MGAM: variants seen among roughly 807,000 people sequenced by gnomAD.
The protein encoded by MGAM is alpha-1,4-glucosidase.
In MGAM, 253 loss-of-function variants were observed where a neutral mutation model predicts 358.8. The observed-to-expected ratio is 0.71, with a 90% CI of 0.64 to 0.78. The LOEUF (loss-of-function observed/expected upper bound fraction) is 0.78, where lower values mean the gene tolerates loss of function less well. Among genes scored for constraint, MGAM ranks in the 30% least tolerant of loss-of-function variants. MGAM has a pLI of 0.00. For synonymous variants in MGAM, 1,105 were observed against 1,227.1 expected, an observed-to-expected ratio of 0.90 and a Z score of 2.08; for missense variants, 3,080 against 3,432.6, an observed-to-expected ratio of 0.90 and a Z score of 2.57.
At chr7:142,028,905 G>A (rs1807207380) in intron 10 of MGAM, among the ~76,000 whole-genome samples, 1 of 150,896 alleles carries the variant, frequency 6.6e-6, no homozygotes, top group Non-Finnish European at 1.5e-5. Flanking sequence ...TGGGTTGGGG[G>A]AGGGATAACA....
intron 27 of MGAM, 43 bp from the exon 28 acceptor site, chr7:142,055,515 A>G: frequency 2.5e-6 from 4 of 1,612,214 alleles, no homozygotes; most frequent in Non-Finnish European, 3.4e-6. Flanking sequence ...AAACAGAGAT[A>G]AAAGCTCATT....
At chr7:142,076,434 T>C in intron 46 of MGAM, 182 bp downstream of exon 46, 1 of 859,514 alleles carries the variant, frequency 1.2e-6, no homozygotes, top group Non-Finnish European at 1.9e-6. Context: ...TAGCAAGTAG[T>C]GTTTCTAAAT....
At position 142,052,166 on chromosome 7, in the gene MGAM, C is replaced by G. The variant is rs1585014926; in HGVS notation, c.2806-128C>G. ...CAGTTCTCTTCTTATAAGCTAAAGT[C>G]ATATGTTGCTTGGATGTTTGAAAGT... On this transcript the variant is annotated intron_variant, in intron 24 of 70. Transcript: ENST00000475668. The G allele has an allele frequency of 7.6e-6, 6 of 785,248 alleles. No individual in the cohort carries two copies. The Admixed American group carries it at 1.5e-4, about 19-fold the overall frequency. 48.6% of individuals were successfully genotyped at this position (785,248 alleles called of 1,614,324 possible). A position where few individuals can be genotyped will look rare whatever the true frequency, so the allele number is the denominator to read the frequency against.
chr7:142,042,027 TATATTATATACATATAATATATA>T (rs1808812364), intron 21 of MGAM, among the ~76,000 whole-genome samples: 1 of 23,362 alleles, frequency 4.3e-5, no homozygotes, highest in African/African-American at 3.1e-4. Flanking sequence ...ATATATATAT[TATATTATATACATATAATATATA>T]ATATATATAC....
At chr7:142,072,087 G>T (rs1422935637) in intron 44 of MGAM, among the ~76,000 whole-genome samples, 1 of 146,032 alleles carries the variant, frequency 6.8e-6, no homozygotes, top group African/African-American at 2.4e-5. Flanking sequence ...CCTTCAAGCT[G>T]TTCTGTACAG....
At chr7:141,989,362 G>A (rs1373234778) in intron 2 of MGAM, among the ~76,000 whole-genome samples, 2 of 152,082 alleles carry the variant, frequency 1.3e-5, no homozygotes, top group Non-Finnish European at 2.9e-5. Context: ...ACTGACATTG[G>A]ATGTCAGGTA....
intron 27 of MGAM, 126 bp downstream of exon 27, chr7:142,055,034 G>A (rs1811361478): frequency 9.2e-7 from 1 of 1,087,942 alleles, no homozygotes; most frequent in African/African-American, 1.6e-5. Flanking sequence ...TGGATGAGTT[G>A]TTTCCTTCAG....
In MGAM at chr7:142,008,526, G is replaced by A. The variant is rs782372470; in HGVS notation, c.148G>A (p.Gly50Ser). Residue 50 changes from glycine (G) to serine (S), a missense_variant, in exon 3 of 71, where the codon GGT becomes AGT. This residue lies in a region of MGAM where 1,816 missense variants were observed against 1,840.5 expected (regional missense o/e 0.99). Coordinates refer to ENST00000475668, the MANE Select transcript of MGAM (RefSeq NM_001365693.1). Reference sequence around the variant, plus strand: ...TATAGCCCCAGATCCTGGGACAACTGGTACCCCAGATCCTGGGACAACTGG... The same window carrying A: ...TATAGCCCCAGATCCTGGGACAACTAGTACCCCAGATCCTGGGACAACTGG... ...KSTAPDPGTT[G>S]TPDPGTTGTP... The A allele has an allele frequency of 1.2e-6, 2 of 1,610,788 alleles. No homozygotes were observed. The highest frequency in any genetic ancestry group is 1.7e-6 in the Non-Finnish European group (2 of 1,178,424).
At chr7:142,066,487 T>G in intron 40 of MGAM, 86 bp from the exon 41 acceptor site, 1 of 1,411,962 alleles carries the variant, frequency 7.1e-7, no homozygotes, top group Non-Finnish European at 9.8e-7. Flanking sequence ...TGAGTGATCT[T>G]CAATTGGAGT....
intron 34 of MGAM, among the ~76,000 whole-genome samples, chr7:142,060,857 T>C (rs1445226172): frequency 1.3e-5 from 2 of 152,114 alleles, no homozygotes; most frequent in East Asian, 1.9e-4. Flanking sequence ...TCCATCTTCA[T>C]ACTTACGAGT....
chr7:142,078,225 GT>G, intron 47 of MGAM, 92 bp from the exon 48 acceptor site: 1 of 1,068,904 alleles, frequency 9.4e-7, no homozygotes, highest in Non-Finnish European at 1.3e-6. Context: ...ATGTCTATTT[GT>G]TTTTCCAAAA....
intron 18 of MGAM, 68 bp from the exon 19 acceptor site, chr7:142,038,463 G>C (rs886409187): frequency 3.4e-5 from 41 of 1,218,506 alleles, no homozygotes; most frequent in Non-Finnish European, 4.0e-5. Flanking sequence ...GGTTGTGTGT[G>C]AGTAGAGCTG....
intron 22 of MGAM, among the ~76,000 whole-genome samples, chr7:142,048,608 T>TA (rs1364012888): frequency 6.6e-6 from 1 of 151,528 alleles, no homozygotes; most frequent in African/African-American, 2.4e-5. Context: ...ATATACTTTT[T>TA]AGCATATTTG....
rs1204324818 is a variant in MGAM, at chr7:142,106,339, G to A, written c.*448G>A. The A allele has an allele frequency of 6.5e-6, 1 of 153,936 alleles. No homozygotes were observed. The highest frequency in any genetic ancestry group is 1.4e-5 in the Non-Finnish European group (1 of 69,132). The allele number at this position is 153,936 out of a possible 1,614,324, so 9.5% of individuals were successfully genotyped here. A position where few individuals can be genotyped will look rare whatever the true frequency, so the allele number is the denominator to read the frequency against. ...AAGAACATCTGCTAGTTGGTTATAG[G>A]CGGTGGGAGGAATAATATACCTAAT... is the stretch of plus-strand genomic sequence containing the variant. On this transcript the variant is annotated 3_prime_UTR_variant, in exon 71 of 71. Coordinates refer to ENST00000475668, the MANE Select transcript of MGAM (RefSeq NM_001365693.1).
intron 57 of MGAM, among the ~76,000 whole-genome samples, chr7:142,088,786 T>A (rs1032973883): frequency 1.2e-4 from 16 of 128,238 alleles, no homozygotes; most frequent in East Asian, 1.1e-3. Flanking sequence ...TCTATCTATC[T>A]ATCTATCTAT....
intron 21 of MGAM, among the ~76,000 whole-genome samples, chr7:142,045,253 TA>T (rs1810012462): frequency 1.2e-5 from 1 of 81,888 alleles, no homozygotes; most frequent in African/African-American, 4.8e-5. Context: ...TAATATATGA[TA>T]TATAATATAT....
intron 2 of MGAM, among the ~76,000 whole-genome samples, chr7:141,986,730 G>A (rs559811953): frequency 5.0e-4 from 76 of 152,270 alleles, no homozygotes; most frequent in African/African-American, 1.7e-3. Context: ...CACAATTTTA[G>A]CAATTCAAAA....
At chr7:142,028,943 C>T (rs1807210765) in intron 10 of MGAM, among the ~76,000 whole-genome samples, 1 of 152,040 alleles carries the variant, frequency 6.6e-6, no homozygotes, top group Non-Finnish European at 1.5e-5. Context: ...AGGACTGAGC[C>T]AAAGGACAAT....
At position 142,060,364 on chromosome 7, in the gene MGAM, C is replaced by A. The variant is rs193144181; in HGVS notation, c.4113C>A (p.Ser1371Arg). 2 of 1,614,004 alleles carry A rather than the reference C, an allele frequency of 1.2e-6. No homozygotes were observed. The highest frequency in any genetic ancestry group is 1.7e-6 in the Non-Finnish European group (2 of 1,179,852). Residue 1371 changes from serine to arginine, a missense_variant, in exon 34 of 71, where the codon AGC (serine) becomes AGA (arginine). Around this residue, in one of 5 missense-constraint regions of MGAM, gnomAD observed 1,816 missense variants for 1,840.5 expected, o/e 0.99. Coordinates refer to ENST00000475668, the MANE Select transcript of MGAM (RefSeq NM_001365693.1). ...VVVNGSLDWD[S>R]QVELYRAYVA... ...TGAATGGGTCTCTAGACTGGGACAG[C>A]CAAGTGGAGGTAAAAGGGTGTTTGT...
Sources: gnomAD v4.1 joint callset for allele counts (sites outside exome capture counted in the v4.1 genomes callset) on GRCh38, gnomAD v4.1.1 for gene constraint, gnomAD v4.1.1 regional missense constraint, MANE v1.5 for transcripts, NCBI Gene and HGNC (gene_info 2026-07-23, HGNC 2026-07-21) for gene names.